ICA1: variants seen among roughly 807,000 people sequenced by gnomAD.
ICA1 encodes the protein islet cell autoantigen 1, also known as 69 kDa islet cell autoantigen.
Under a neutral mutation model 71.0 loss-of-function variants are expected in ICA1, and 40 were observed. The ratio of observed to expected loss-of-function variants is 0.56; its 90% CI spans 0.44 to 0.73. The LOEUF (loss-of-function observed/expected upper bound fraction) is 0.73, where lower values mean the gene tolerates loss of function less well. Among genes scored for constraint, ICA1 ranks in the 30% least tolerant of loss-of-function variants. The pLI, the probability that ICA1 is intolerant of heterozygous loss-of-function variation, is 0.00. For missense variants in ICA1, 578 were observed against 576.5 expected (o/e 1.00, Z -0.03); for synonymous variants, 207 against 209.5 (o/e 0.99, Z 0.10).
chr7:8,208,632 G>C (rs1208617230), intron 6 of ICA1, among the ~76,000 whole-genome samples: 1 of 152,190 alleles, frequency 6.6e-6, no homozygotes, highest in African/African-American at 2.4e-5. Context: ...AGGATGTGTT[G>C]CTATGACAGA....
intron 13 of ICA1, among the ~76,000 whole-genome samples, chr7:8,120,535 G>C (rs1786500688): frequency 6.6e-6 from 1 of 152,172 alleles, no homozygotes; most frequent in Non-Finnish European, 1.5e-5. Context: ...TAGCTGGTGT[G>C]AGTTGGCTGA....
At chr7:8,240,536 G>A (rs1287218921) in intron 1 of ICA1, among the ~76,000 whole-genome samples, 1 of 152,198 alleles carries the variant, frequency 6.6e-6, no homozygotes, top group Admixed American at 6.5e-5. Flanking sequence ...TGCCAGCAAA[G>A]GAACAAAGTT....
At chr7:8,151,178 C>T (rs1798671366) in intron 8 of ICA1, among the ~76,000 whole-genome samples, 1 of 152,226 alleles carries the variant, frequency 6.6e-6, no homozygotes, top group Non-Finnish European at 1.5e-5. Context: ...GCGTTTGGCC[C>T]AGACAACCTA....
chr7:8,122,102 G>C (rs1323788617), intron 13 of ICA1, among the ~76,000 whole-genome samples: 2 of 152,308 alleles, frequency 1.3e-5, no homozygotes, highest in Non-Finnish European at 2.9e-5. Context: ...CAAGCAGCAT[G>C]CTGCACAGGT....
intron 3 of ICA1, among the ~76,000 whole-genome samples, chr7:8,229,619 A>G (rs543679659): frequency 1.8e-4 from 28 of 152,350 alleles, no homozygotes; most frequent in African/African-American, 6.5e-4. Context: ...ATCATAAAGC[A>G]CTTCTACATT....
At chr7:8,168,791 A>G (rs1807127953) in intron 6 of ICA1, among the ~76,000 whole-genome samples, 1 of 152,142 alleles carries the variant, frequency 6.6e-6, no homozygotes, top group South Asian at 2.1e-4. Flanking sequence ...CAGAGAGGGT[A>G]TCTGTTTATT....
intron 8 of ICA1, among the ~76,000 whole-genome samples, chr7:8,147,419 T>C (rs1272069607): frequency 6.6e-6 from 1 of 152,174 alleles, no homozygotes; most frequent in Non-Finnish European, 1.5e-5. Context: ...TTATTATTAA[T>C]AATTCCTGTA....
chr7:8,195,996 ACAACAC>A (rs141277192), intron 6 of ICA1, among the ~76,000 whole-genome samples: 69,951 of 151,178 alleles, frequency 0.46, 19,949 homozygotes, highest in South Asian at 0.72. Flanking sequence ...AACAACAACA[ACAACAC>A]CAACACCAAC....
chr7:8,143,426 C>A (rs960824433), intron 9 of ICA1, among the ~76,000 whole-genome samples: 3 of 152,182 alleles, frequency 2.0e-5, no homozygotes, highest in East Asian at 1.9e-4. Context: ...TATGATGATG[C>A]CTTAGTATGC....
intron 12 of ICA1, among the ~76,000 whole-genome samples, chr7:8,134,585 C>T (rs1204282508): frequency 6.6e-6 from 1 of 152,182 alleles, no homozygotes; most frequent in African/African-American, 2.4e-5. Context: ...GTAAAGGCCA[C>T]ACGCTTGCAG....
rs3757525 is a variant in ICA1 at position 8,149,778 on chromosome 7, T to C, written c.805-5806A>G. Among the ~76,000 whole-genome samples the C allele has an allele frequency of 7.9e-5, 12 of 152,162 alleles. No individual in the cohort carries two copies. The East Asian group carries it at 1.4e-3, about 17-fold the overall frequency. On this transcript the variant is annotated intron_variant, in intron 8 of 13. Coordinates refer to ENST00000402384, the MANE Select transcript of ICA1 (RefSeq NM_001136020.3). ...TATGAAGGTGCCAAGTAATTGTCTA[T>C]AAAAAAAATAAAAGTGTTCAAAATA...
In ICA1 at chr7:8,226,344, A is replaced by T. The variant is rs1341158651; in HGVS notation, c.256+2257T>A. ...CACAATGAGCAGGCTTGCTCTCTAG[A>T]TATAGATATAGATATAGATGGTAAA... On this transcript the variant is annotated intron_variant, in intron 4 of 13. Transcript: ENST00000402384. The surrounding 1 kb of genome is among the most constrained non-coding windows in gnomAD (Gnocchi z 4.4). Among the ~76,000 whole-genome samples, 1 of 152,124 alleles carries T rather than the reference A, an allele frequency of 6.6e-6. No homozygotes were observed. Among genetic ancestry groups the T allele is most frequent in the Non-Finnish European group, 1.5e-5 (1 of 68,030 alleles).
Position 8,189,176 on chromosome 7 carries a change from G to C in ICA1, c.579+29129C>G, listed in dbSNP as rs554935008. Among the ~76,000 whole-genome samples the C allele has an allele frequency of 4.1e-4, 62 of 152,258 alleles. 1 individual carries two copies. The South Asian group carries it at 0.013, about 31-fold the overall frequency. ...AAACACTGCACCCTGTGAGTGCTGG[G>C]ATCTGTATTATTTGACTGTATTCCC... On this transcript the variant is annotated intron_variant, in intron 6 of 13. Coordinates refer to ENST00000402384, the MANE Select transcript of ICA1 (RefSeq NM_001136020.3).
At chr7:8,261,447 C>A (rs1812345289) in intron 1 of ICA1, among the ~76,000 whole-genome samples, 1 of 152,164 alleles carries the variant, frequency 6.6e-6, no homozygotes, top group Non-Finnish European at 1.5e-5. Flanking sequence ...GAAACGGGCG[C>A]GCCAGGGTTT....
chr7:8,261,364 A>G (rs1812301212), intron 1 of ICA1, among the ~76,000 whole-genome samples: 1 of 152,138 alleles, frequency 6.6e-6, no homozygotes. Context: ...ACAACAGGAT[A>G]TGTTCGTTTC....
chr7:8,197,540 C>T (rs1321416488), intron 6 of ICA1, among the ~76,000 whole-genome samples: 9 of 82,632 alleles, frequency 1.1e-4, no homozygotes, highest in African/African-American at 1.8e-4. Context: ...AGTGGGACTT[C>T]GTCTCAGAAA....
intron 13 of ICA1, among the ~76,000 whole-genome samples, chr7:8,125,989 C>T (rs1562533501): frequency 1.3e-5 from 2 of 152,234 alleles, no homozygotes; most frequent in Non-Finnish European, 1.5e-5. Flanking sequence ...CTTGTCACAG[C>T]TCTCAGGCAT....
intron 6 of ICA1, among the ~76,000 whole-genome samples, chr7:8,196,142 G>C (rs957140823): frequency 6.6e-6 from 1 of 152,120 alleles, no homozygotes; most frequent in Non-Finnish European, 1.5e-5. Flanking sequence ...AAAAAACTGT[G>C]ATACATCCAG....
At chr7:8,197,339 G>T (rs28421550) in intron 6 of ICA1, among the ~76,000 whole-genome samples, 1,522 of 151,662 alleles carry the variant, frequency 0.01, 24 homozygotes, top group African/African-American at 0.032. Context: ...CGGATCACAA[G>T]GTCAGGACTT....
Sources: allele counts gnomAD v4.1 joint callset (sites outside exome capture counted in the v4.1 genomes callset), GRCh38; gene constraint gnomAD v4.1.1; non-coding constraint Gnocchi (gnomAD v3.1); transcripts MANE v1.5; gene names NCBI Gene and HGNC (gene_info 2026-07-23, HGNC 2026-07-21).